The following SLC9A9 variants were observed in gnomAD, a reference collection of about 807,000 sequenced individuals.
SLC9A9 encodes sodium/hydrogen exchanger 9.
SLC9A9 carries 62 observed loss-of-function variants against 77.8 expected under a neutral mutation model. That is an observed-to-expected ratio of 0.80 (90% CI 0.65 to 0.98). SLC9A9 has a LOEUF of 0.98. Among genes scored for constraint, SLC9A9 ranks in the 50% least tolerant of loss-of-function variants. The pLI, the probability that SLC9A9 is intolerant of heterozygous loss-of-function variation, is 0.00. For missense variants in SLC9A9, 775 were observed against 774.9 expected, an observed-to-expected ratio of 1.00 and a Z score of 0.00; for synonymous variants, 320 against 283.5, an observed-to-expected ratio of 1.13 and a Z score of -1.29.
rs966786226 is a variant in SLC9A9 at position 143,332,930 on chromosome 3, T to C, written c.1604+30554A>G. Among the ~76,000 whole-genome samples the C allele has an allele frequency of 5.9e-5, 9 of 152,192 alleles. No individual in the cohort carries two copies. In the East Asian group the frequency reaches 1.7e-3, roughly 29 times the overall value. ...CAATCATCTGCATATGTATTTTTAA[T>C]CCCCAATTTACAGATAAGGTAACAA... On this transcript the variant is annotated intron_variant, in intron 14 of 15. Transcript: ENST00000316549.
At chr3:143,809,726 A>C (rs1055870657) in intron 2 of SLC9A9, among the ~76,000 whole-genome samples, 8 of 152,264 alleles carry the variant, frequency 5.3e-5, no homozygotes, top group African/African-American at 1.9e-4. Flanking sequence ...TACAAATCTT[A>C]TGGACAAGCA....
chr3:143,402,413 T>C (rs1225788093), intron 12 of SLC9A9, among the ~76,000 whole-genome samples: 3 of 151,868 alleles, frequency 2.0e-5, no homozygotes, highest in Non-Finnish European at 2.9e-5. Context: ...ATGTGGCATT[T>C]CTCAAACTCT....
chr3:143,588,362 C>A (rs1226177248), intron 6 of SLC9A9, among the ~76,000 whole-genome samples: 1 of 152,142 alleles, frequency 6.6e-6, no homozygotes, highest in Non-Finnish European at 1.5e-5. Context: ...GAGCACGCAG[C>A]CAGTAAGGAG....
chr3:143,582,844 A>G (rs2037479696), intron 6 of SLC9A9, among the ~76,000 whole-genome samples: 1 of 152,158 alleles, frequency 6.6e-6, no homozygotes, highest in African/African-American at 2.4e-5. Context: ...GTAAGAAATG[A>G]GGCAAAAGAA....
In SLC9A9 at chr3:143,652,348, G is replaced by A. The variant is rs2038811684; in HGVS notation, c.662C>T (p.Ala221Val). The change falls in exon 6 of 16, where the codon GCC (alanine) becomes GTC (valine). Residue 221 changes from alanine to valine, a missense_variant. Ala to Val is a moderately conservative substitution (Grantham distance 64). Coordinates refer to ENST00000316549, the MANE Select transcript of SLC9A9 (RefSeq NM_173653.4). The stretch of plus-strand genomic sequence containing the variant: ...GTCGACGTGCAGTTCATGGAAAATG[G>A]CCAGCACTGTCACTAGGAAGACACA... ...MSATDPVTVL[A>V]IFHELHVDPD... 3.7e-6 allele frequency: 6 copies of A among 1,612,284 alleles called. No individual in the cohort carries two copies. In the East Asian group the frequency reaches 1.3e-4, roughly 36 times the overall value.
At chr3:143,603,728 T>C (rs1216652794) in intron 6 of SLC9A9, among the ~76,000 whole-genome samples, 2 of 152,200 alleles carry the variant, frequency 1.3e-5, no homozygotes, top group Non-Finnish European at 2.9e-5. Context: ...ATGTTTGCTA[T>C]ATTAGGCAGC....
At chr3:143,594,019 G>C (rs565435495) in intron 6 of SLC9A9, among the ~76,000 whole-genome samples, 3 of 152,272 alleles carry the variant, frequency 2.0e-5, no homozygotes, top group African/African-American at 7.2e-5. Flanking sequence ...TGGCAATGGA[G>C]GGGAAGGAGG....
chr3:143,761,001 C>G (rs1337829147), intron 4 of SLC9A9, among the ~76,000 whole-genome samples: 1 of 152,068 alleles, frequency 6.6e-6, no homozygotes, highest in African/African-American at 2.4e-5. Flanking sequence ...GAGACACAGA[C>G]CAATGGAACA....
chr3:143,451,703 C>A (rs2035011283), intron 12 of SLC9A9, among the ~76,000 whole-genome samples: 1 of 152,066 alleles, frequency 6.6e-6, no homozygotes, highest in African/African-American at 2.4e-5. Context: ...TGCTTTCACA[C>A]TACATTATAG....
At chr3:143,496,989 T>C (rs191770042) in intron 9 of SLC9A9, among the ~76,000 whole-genome samples, 39 of 152,272 alleles carry the variant, frequency 2.6e-4, no homozygotes, top group Non-Finnish European at 4.4e-4. Flanking sequence ...AGATCATCAC[T>C]TTTGTGTTTC....
intron 6 of SLC9A9, among the ~76,000 whole-genome samples, chr3:143,643,439 G>A (rs538435885): frequency 1.3e-5 from 2 of 152,292 alleles, no homozygotes; most frequent in Non-Finnish European, 2.9e-5. Context: ...TGCTCAAGTT[G>A]TATTACCATG....
At chr3:143,414,081 G>A (rs1463346206) in intron 12 of SLC9A9, among the ~76,000 whole-genome samples, 1 of 152,206 alleles carries the variant, frequency 6.6e-6, no homozygotes, top group African/African-American at 2.4e-5. Flanking sequence ...AATTCAGTCT[G>A]ATTTTTTCTT....
At chr3:143,310,697 G>A (rs1165758556) in intron 14 of SLC9A9, among the ~76,000 whole-genome samples, 3 of 152,114 alleles carry the variant, frequency 2.0e-5, no homozygotes, top group Non-Finnish European at 4.4e-5. Context: ...ACACTAGAAG[G>A]ACTAAGAAAA....
intron 9 of SLC9A9, chr3:143,504,303 C>T (rs570297686): frequency 1.6e-4 from 32 of 200,894 alleles, no homozygotes; most frequent in South Asian, 1.1e-3. Flanking sequence ...TGGGGTTGCA[C>T]GAGAAGATGT....
chr3:143,831,950 T>C (rs985841261), intron 2 of SLC9A9, 69 bp downstream of exon 2: 49 of 1,419,390 alleles, frequency 3.5e-5, no homozygotes, highest in Non-Finnish European at 4.7e-5. Flanking sequence ...ATAAAAAGTA[T>C]AAAGGCTCAA....
chr3:143,661,103 T>C (rs2038972140), intron 5 of SLC9A9, among the ~76,000 whole-genome samples: 1 of 152,098 alleles, frequency 6.6e-6, no homozygotes, highest in African/African-American at 2.4e-5. Context: ...GAATTGGTGA[T>C]GAGATGGGAA....
intron 6 of SLC9A9, among the ~76,000 whole-genome samples, chr3:143,630,110 A>G (rs1303393876): frequency 6.6e-6 from 1 of 151,440 alleles, no homozygotes; most frequent in Non-Finnish European, 1.5e-5. Context: ...GGAAAAAGAG[A>G]AAAAAAAACT....
intron 11 of SLC9A9, among the ~76,000 whole-genome samples, chr3:143,469,097 T>G (rs1345784351): frequency 6.6e-6 from 1 of 152,074 alleles, no homozygotes; most frequent in African/African-American, 2.4e-5. Flanking sequence ...GAGGTGGAGG[T>G]TGCAGTGAGC....
chr3:143,298,176 C>T (rs1471071470), intron 14 of SLC9A9, among the ~76,000 whole-genome samples: 4 of 152,200 alleles, frequency 2.6e-5, no homozygotes, highest in East Asian at 1.9e-4. Context: ...CTTCCCCCCA[C>T]GTTGATGTTC....
Sources: allele counts gnomAD v4.1 joint callset (sites outside exome capture counted in the v4.1 genomes callset), GRCh38; gene constraint gnomAD v4.1.1; transcripts MANE v1.5; gene names NCBI Gene and HGNC (gene_info 2026-07-23, HGNC 2026-07-21).